DDHD1: variants seen among roughly 807,000 people sequenced by gnomAD.
DDHD1 encodes the protein phospholipase DDHD1.
A neutral mutation model predicts 96.4 loss-of-function variants in DDHD1; 49 were observed. That is an observed-to-expected ratio of 0.51 (90% confidence interval 0.40 to 0.64). The LOEUF is 0.64. Ranked by LOEUF, DDHD1 falls within the 30% of genes least tolerant of loss-of-function variation. The pLI is 0.00. For synonymous variants in DDHD1, 442 were observed against 446.5 expected, an observed-to-expected ratio of 0.99 and a Z score of 0.13; for missense variants, 1,106 against 1,161.2, an observed-to-expected ratio of 0.95 and a Z score of 0.69.
chr14:53,153,074 G>A lies in DDHD1; in HGVS notation c.25C>T (p.Pro9Ser). 4 of 1,453,926 alleles carry A rather than the reference G, an allele frequency of 2.8e-6. No individual in the cohort carries two copies. The highest frequency in any genetic ancestry group is 3.6e-6 in the Non-Finnish European group (4 of 1,114,242). 90.1% of individuals were successfully genotyped at this position (1,453,926 alleles called of 1,614,324 possible). MNYPGRGS[P>S]RSPEHNGRGG... ...CGGCCGTTATGCTCGGGGCTCCGTG[G>A]GGACCCGCGGCCCGGGTAATTCATG... Residue 9 changes from proline (P) to serine (S), a missense_variant, in exon 1 of 13, where the codon CCA becomes TCA. Pro to Ser is a moderately conservative substitution (Grantham distance 74, BLOSUM62 -1). Around this residue, in one of 2 missense-constraint regions of DDHD1, gnomAD observed 456 missense variants for 402.4 expected, o/e 1.13. Coordinates refer to ENST00000673822, the MANE Select transcript of DDHD1 (RefSeq NM_001160148.2).
At chr14:53,079,198 G>A (rs1427208775) in intron 4 of DDHD1, among the ~76,000 whole-genome samples, 5 of 152,118 alleles carry the variant, frequency 3.3e-5, no homozygotes, top group African/African-American at 4.8e-5. Flanking sequence ...TTTTGGTATC[G>A]GGGTAATACT....
intron 1 of DDHD1, among the ~76,000 whole-genome samples, chr14:53,134,103 G>A (rs184308231): frequency 5.7e-4 from 86 of 152,020 alleles, no homozygotes; most frequent in Non-Finnish European, 1.1e-3. Flanking sequence ...AGGTCTATTC[G>A]TCCTTACCCT....
chr14:53,057,550 A>C (rs963756864), intron 9 of DDHD1, among the ~76,000 whole-genome samples: 1 of 152,176 alleles, frequency 6.6e-6, no homozygotes, highest in East Asian at 1.9e-4. Context: ...ATACATTCCA[A>C]TATTGTAGCA....
At chr14:53,149,208 ATCTT>A (rs1891189809) in intron 1 of DDHD1, among the ~76,000 whole-genome samples, 3 of 152,216 alleles carry the variant, frequency 2.0e-5, no homozygotes. Flanking sequence ...ATAAAATAAA[ATCTT>A]TCTTTTAGAA....
At position 53,073,777 on chromosome 14, in the gene DDHD1, G is replaced by A; in HGVS notation, c.1360C>T (p.Pro454Ser). 2 of 1,609,204 alleles carry A rather than the reference G, an allele frequency of 1.2e-6. No homozygotes were observed. Among genetic ancestry groups the A allele is most frequent in the Non-Finnish European group, 1.7e-6 (2 of 1,177,030 alleles). Residue 454 changes from proline to serine, a missense_variant, in exon 5 of 13, where the codon CCT becomes TCT. Physicochemically the swap from Pro to Ser is moderately conservative, Grantham distance 74. Coordinates refer to ENST00000673822, the MANE Select transcript of DDHD1 (RefSeq NM_001160148.2). ...GTAAGTTTTGACCGCCACTCAACAG[G>A]CAGAAATTCAACATGTGTTGCATGG... Reference protein sequence around the residue: ...SNHATHVEFLPVEWRSKLTLD... With the variant: ...SNHATHVEFLSVEWRSKLTLD...
chr14:53,040,166 A>G lies in DDHD1; in HGVS notation c.*6602T>C, dbSNP rs904043679. The G allele has an allele frequency of 1.3e-5, 2 of 152,228 alleles. No individual in the cohort carries two copies. The highest frequency in any genetic ancestry group is 4.8e-5 in the African/African-American group (2 of 41,454). 9.4% of individuals were successfully genotyped at this position (152,228 alleles called of 1,614,324 possible). A position where few individuals can be genotyped will look rare whatever the true frequency, so the allele number is the denominator to read the frequency against. On this transcript the variant is annotated 3_prime_UTR_variant, in exon 13 of 13. Transcript: ENST00000673822. ...CTATCTGGCACGGGTTCTTGGAGTT[A>G]GCCTGAAGACCTCAGAGCTATGGTC... is the stretch of plus-strand genomic sequence containing the variant.
At chr14:53,150,096 T>C (rs1000223763) in intron 1 of DDHD1, 2 of 152,220 alleles carry the variant, frequency 1.3e-5, no homozygotes, top group Non-Finnish European at 2.9e-5. Flanking sequence ...TTGGTCTCTG[T>C]GGTTGGTCAA....
intron 10 of DDHD1, 123 bp from the exon 11 acceptor site, chr14:53,054,752 T>TTTTCC: frequency 1.2e-6 from 1 of 851,436 alleles, no homozygotes; most frequent in African/African-American, 1.7e-5. Context: ...TTTTCCAGGG[T>TTTTCC]GGGAACATAA....
chr14:53,149,665 T>A (rs1026673480), intron 1 of DDHD1: 2 of 152,344 alleles, frequency 1.3e-5, no homozygotes, highest in African/African-American at 4.8e-5. Flanking sequence ...GAGAACTATT[T>A]AGAAAATGCT....
At chr14:53,058,059 C>A (rs531200153) in intron 9 of DDHD1, among the ~76,000 whole-genome samples, 1 of 152,246 alleles carries the variant, frequency 6.6e-6, no homozygotes, top group South Asian at 2.1e-4. Flanking sequence ...AGGCTAGTCT[C>A]GAACTTGAGC....
intron 1 of DDHD1, among the ~76,000 whole-genome samples, chr14:53,113,754 G>T (rs892372687): frequency 2.0e-5 from 3 of 152,150 alleles, no homozygotes; most frequent in Non-Finnish European, 2.9e-5. Flanking sequence ...ATTATCTTGT[G>T]TGCCTACACC....
intron 1 of DDHD1, among the ~76,000 whole-genome samples, chr14:53,133,461 C>A (rs1890016815): frequency 6.6e-6 from 1 of 152,148 alleles, no homozygotes; most frequent in African/African-American, 2.4e-5. Context: ...GGCAGTCTCC[C>A]AGTCCCTGGG....
At chr14:53,111,958 C>T (rs1853693685) in intron 1 of DDHD1, among the ~76,000 whole-genome samples, 1 of 152,098 alleles carries the variant, frequency 6.6e-6, no homozygotes, top group Admixed American at 6.5e-5. Flanking sequence ...TTTACATTTT[C>T]AAGGCATTAC....
intron 1 of DDHD1, among the ~76,000 whole-genome samples, chr14:53,134,268 C>T (rs1307885506): frequency 6.6e-6 from 1 of 152,118 alleles, no homozygotes; most frequent in African/African-American, 2.4e-5. Flanking sequence ...CTGGTTTACA[C>T]TTTTCCTCCA....
chr14:53,070,060 C>A (rs1475020306), intron 6 of DDHD1, among the ~76,000 whole-genome samples: 1 of 152,142 alleles, frequency 6.6e-6, no homozygotes, highest in African/African-American at 2.4e-5. Context: ...TGCTCAGTCA[C>A]CACTAGCCAA....
chr14:53,076,240 C>A lies in DDHD1; in HGVS notation c.1290-2393G>T, dbSNP rs191797180. Among the ~76,000 whole-genome samples, 32 of 152,206 alleles carry A rather than the reference C, an allele frequency of 2.1e-4. No individual in the cohort carries two copies. In the East Asian group the frequency reaches 5.8e-3, roughly 28 times the overall value. On this transcript the variant is annotated intron_variant, in intron 4 of 12. Coordinates refer to ENST00000673822, the MANE Select transcript of DDHD1 (RefSeq NM_001160148.2). ...TAAGAACATTTGTGATTCAGTGATT[C>A]ATGGGGGGTGAAAATATCAACATTC...
At chr14:53,129,736 T>C (rs561963578) in intron 1 of DDHD1, among the ~76,000 whole-genome samples, 2 of 152,282 alleles carry the variant, frequency 1.3e-5, no homozygotes, top group South Asian at 4.1e-4. Context: ...GTGCAAGAAC[T>C]TAAAACCTCT....
At chr14:53,143,567 G>A (rs1192290947) in intron 1 of DDHD1, among the ~76,000 whole-genome samples, 1 of 152,130 alleles carries the variant, frequency 6.6e-6, no homozygotes, top group African/African-American at 2.4e-5. Context: ...CTCATATTCT[G>A]TATCTGTCCT....
At chr14:53,052,447 T>A (rs1882677937) in intron 11 of DDHD1, 1 of 152,104 alleles carries the variant, frequency 6.6e-6, no homozygotes, top group South Asian at 2.1e-4. Flanking sequence ...ACTGAGGCAA[T>A]TAATGTAAGT....
Sources: allele counts gnomAD v4.1 joint callset (sites outside exome capture counted in the v4.1 genomes callset), GRCh38; gene constraint gnomAD v4.1.1; regional missense constraint gnomAD v4.1.1; transcripts MANE v1.5; gene names NCBI Gene and HGNC (gene_info 2026-07-23, HGNC 2026-07-21).